RAB28: variants seen among roughly 807,000 people sequenced by gnomAD.
RAB28 encodes the protein ras-related protein Rab-28.
RAB28 carries 24 observed loss-of-function variants against 31.7 expected under a neutral mutation model. The observed-to-expected ratio is 0.76, with a 90% CI of 0.55 to 1.06. The LOEUF is 1.06. Ranked by LOEUF, RAB28 falls within the 50% of genes least tolerant of loss-of-function variation. RAB28 has a pLI of 0.00. For missense variants in RAB28, 254 were observed against 258.5 expected (o/e 0.98, Z 0.12); for synonymous variants, 100 against 90.4 (o/e 1.11, Z -0.60).
chr4:13,437,572 C>T (rs898544491), intron 4 of RAB28, among the ~76,000 whole-genome samples: 1 of 152,036 alleles, frequency 6.6e-6, no homozygotes, highest in African/African-American at 2.4e-5. Context: ...CAAAAGAGGA[C>T]ACGCAAGCAG....
chr4:13,374,331 C>T (rs7657004), intron 6 of RAB28, among the ~76,000 whole-genome samples: 14,289 of 152,044 alleles, frequency 0.094, 1,324 homozygotes, highest in African/African-American at 0.24. Context: ...TTATTTAAAA[C>T]ACACTAGGAT....
chr4:13,466,374 A>G (rs1409017229), intron 3 of RAB28, among the ~76,000 whole-genome samples: 1 of 151,996 alleles, frequency 6.6e-6, no homozygotes, highest in Non-Finnish European at 1.5e-5. Flanking sequence ...AAAACAAAAA[A>G]CTAAATTTAA....
chr4:13,384,547 C>T (rs73229646), intron 4 of RAB28, among the ~76,000 whole-genome samples: 5,624 of 152,316 alleles, frequency 0.037, 173 homozygotes, highest in African/African-American at 0.083. Context: ...GAGAACAAAT[C>T]TGGGGCTGGA....
chr4:13,377,454 A>G (rs1728967078), intron 5 of RAB28, among the ~76,000 whole-genome samples: 1 of 152,216 alleles, frequency 6.6e-6, no homozygotes, highest in African/African-American at 2.4e-5. Flanking sequence ...GTACCCTAAG[A>G]AGCATATTTT....
intron 3 of RAB28, among the ~76,000 whole-genome samples, chr4:13,461,422 T>C (rs1018548169): frequency 1.3e-5 from 2 of 152,230 alleles, no homozygotes; most frequent in African/African-American, 4.8e-5. Context: ...GTAACTCCTT[T>C]ACCATCTCCT....
At chr4:13,464,552 C>A (rs1197092803) in intron 3 of RAB28, among the ~76,000 whole-genome samples, 1 of 152,016 alleles carries the variant, frequency 6.6e-6, no homozygotes, top group Non-Finnish European at 1.5e-5. Context: ...TACCACAACA[C>A]TACCAGGGCA....
chr4:13,423,293 T>C (rs767865598), intron 4 of RAB28, among the ~76,000 whole-genome samples: 1 of 152,082 alleles, frequency 6.6e-6, no homozygotes, highest in Non-Finnish European at 1.5e-5. Flanking sequence ...CCCAACACTT[T>C]AGGAGGCCAA....
chr4:13,368,175 A>C lies in RAB28; in HGVS notation c.*383T>G, dbSNP rs2108870879. 1 of 989,022 alleles carries C rather than the reference A, an allele frequency of 1.0e-6. No homozygotes were observed. The highest frequency in any genetic ancestry group is 6.1e-5 in the Admixed American group (1 of 16,438). 61.3% of individuals were successfully genotyped at this position (989,022 alleles called of 1,614,324 possible). A position where few individuals can be genotyped will look rare whatever the true frequency, so the allele number is the denominator to read the frequency against. ...TACTTTGACACATACAAGTTCCGAT[A>C]AGAGAATGAAATTGCTGTGGCAAAA... On this transcript the variant is annotated 3_prime_UTR_variant, in exon 7 of 7. Coordinates refer to ENST00000330852, the MANE Select transcript of RAB28 (RefSeq NM_001017979.3).
chr4:13,437,080 C>T (rs1428740664), intron 4 of RAB28, among the ~76,000 whole-genome samples: 2 of 152,024 alleles, frequency 1.3e-5, no homozygotes, highest in Admixed American at 6.6e-5. Context: ...AACTAATCTT[C>T]GACAAAGTTG....
intron 4 of RAB28, among the ~76,000 whole-genome samples, chr4:13,427,740 C>T (rs55851520): frequency 0.056 from 8,516 of 151,982 alleles, 547 homozygotes; most frequent in African/African-American, 0.16. Context: ...CAAACGGACC[C>T]GGGAGAGAGG....
chr4:13,408,542 G>A (rs1186187934), intron 4 of RAB28, among the ~76,000 whole-genome samples: 1 of 152,074 alleles, frequency 6.6e-6, no homozygotes, highest in African/African-American at 2.4e-5. Context: ...TGAGTTAAGG[G>A]AGGAGTCGCA....
chr4:13,376,745 T>C (rs1176009770), intron 5 of RAB28, 123 bp from the exon 6 acceptor site: 1 of 507,740 alleles, frequency 2.0e-6, no homozygotes, highest in African/African-American at 2.0e-5. Flanking sequence ...TAGCAGGTGA[T>C]TCCAAAAATA....
chr4:13,396,408 A>C (rs1289873811), intron 4 of RAB28, among the ~76,000 whole-genome samples: 1 of 152,028 alleles, frequency 6.6e-6, no homozygotes, highest in African/African-American at 2.4e-5. Context: ...CATTAATTTG[A>C]TTGTGAGCAT....
At chr4:13,458,896 T>C (rs145486239) in intron 4 of RAB28, among the ~76,000 whole-genome samples, 2 of 152,160 alleles carry the variant, frequency 1.3e-5, no homozygotes, top group Non-Finnish European at 2.9e-5. Flanking sequence ...ATATTAAGTG[T>C]CAACTTGATT....
chr4:13,402,336 T>C (rs769640553), intron 4 of RAB28, among the ~76,000 whole-genome samples: 2 of 152,260 alleles, frequency 1.3e-5, no homozygotes, highest in African/African-American at 2.4e-5. Context: ...CATGTAGACA[T>C]TGATAAAGGA....
At chr4:13,439,952 T>C (rs1295100681) in intron 4 of RAB28, among the ~76,000 whole-genome samples, 2 of 152,192 alleles carry the variant, frequency 1.3e-5, no homozygotes, top group Non-Finnish European at 2.9e-5. Context: ...CAAAGTAGCA[T>C]TATTTATATA....
intron 4 of RAB28, chr4:13,459,679 T>C (rs986971466): frequency 2.3e-6 from 2 of 861,638 alleles, no homozygotes; most frequent in African/African-American, 3.8e-5. Flanking sequence ...GTACACTCTT[T>C]CTCAAAAAAA....
intron 4 of RAB28, among the ~76,000 whole-genome samples, chr4:13,411,287 A>G (rs990937217): frequency 1.3e-5 from 2 of 152,212 alleles, no homozygotes; most frequent in African/African-American, 4.8e-5. Flanking sequence ...CAGAAGAAAC[A>G]TTAATTAATA....
intron 4 of RAB28, among the ~76,000 whole-genome samples, chr4:13,418,806 T>C (rs1389837326): frequency 2.0e-5 from 3 of 152,134 alleles, no homozygotes; most frequent in South Asian, 2.1e-4. Context: ...ACATGTCAAA[T>C]TGTAAAGACC....
Sources: gnomAD v4.1 joint callset for allele counts (sites outside exome capture counted in the v4.1 genomes callset) on GRCh38, gnomAD v4.1.1 for gene constraint, MANE v1.5 for transcripts, NCBI Gene and HGNC (gene_info 2026-07-23, HGNC 2026-07-21) for gene names.